ITPK1: variants seen among roughly 807,000 people sequenced by gnomAD.
ITPK1 encodes the protein inositol 1,3,4-trisphosphate 5/6-kinase.
A neutral mutation model predicts 45.3 loss-of-function variants in ITPK1; 21 were observed. The observed-to-expected ratio is 0.46, with a 90% confidence interval of 0.33 to 0.67. ITPK1 has a LOEUF of 0.67. ITPK1 is among the 30% of genes least tolerant of loss of function. The probability of loss-of-function intolerance (pLI) is 0.02; values close to 1 mark genes in which losing one functional copy is unlikely to be tolerated. For synonymous variants in ITPK1, 258 were observed against 253.6 expected, an observed-to-expected ratio of 1.02 and a Z score of -0.16; for missense variants, 474 against 573.5, an observed-to-expected ratio of 0.83 and a Z score of 1.77.
chr14:93,080,252 T>C (rs1891383976), intron 2 of ITPK1, among the ~76,000 whole-genome samples: 1 of 152,162 alleles, frequency 6.6e-6, no homozygotes, highest in Non-Finnish European at 1.5e-5. Flanking sequence ...AGGAAAACAA[T>C]CATGGCAGGG....
At chr14:92,960,366 G>A (rs1203215339) in intron 7 of ITPK1, among the ~76,000 whole-genome samples, 2 of 152,170 alleles carry the variant, frequency 1.3e-5, no homozygotes, top group Admixed American at 6.5e-5. Flanking sequence ...AGCAAGTACC[G>A]GGCAAGTACC....
intron 2 of ITPK1, among the ~76,000 whole-genome samples, chr14:93,087,769 G>C (rs1334983360): frequency 6.6e-6 from 1 of 152,212 alleles, no homozygotes; most frequent in Non-Finnish European, 1.5e-5. Context: ...GGAGTTTGTA[G>C]GGGCCTTCAA....
chr14:92,993,782 A>G, intron 5 of ITPK1, 98 bp downstream of exon 5: 1 of 756,806 alleles, frequency 1.3e-6, no homozygotes, highest in Non-Finnish European at 2.4e-6. Context: ...AGTGCTTAAA[A>G]AGACAAGACC....
At chr14:93,057,083 G>A (rs1239297514) in intron 3 of ITPK1, among the ~76,000 whole-genome samples, 3 of 152,140 alleles carry the variant, frequency 2.0e-5, no homozygotes, top group East Asian at 1.9e-4. Flanking sequence ...AATGCCACCC[G>A]GGAGACCATA....
Position 92,941,882 on chromosome 14 carries a change from G to C in ITPK1, c.924C>G (p.Phe308Leu). Residue 308 changes from phenylalanine (F) to leucine (L), a missense_variant, in exon 11 of 11, where the codon TTC (phenylalanine) becomes TTG (leucine). By Grantham distance (22) the Phe-to-Leu change is conservative. This residue lies in a region of ITPK1 where 367 missense variants were observed against 480.6 expected (regional missense o/e 0.76). Transcript: ENST00000267615. ...CGATGTGGTTCAGGAGGTCTGTGAA[G>C]AACTCGCTCACGCCCTCGTAGCCTG... The part of the protein sequence containing the change: ...AFPGYEGVSE[F>L]FTDLLNHIAT... 6.2e-7 allele frequency: 1 copy of C among 1,612,480 alleles called. No homozygotes were observed. Among genetic ancestry groups the C allele is most frequent in the South Asian group, 1.1e-5 (1 of 90,948 alleles).
rs923869730 is a variant in ITPK1, at chr14:93,032,336, C to T, written c.121-15535G>A. On this transcript the variant is annotated intron_variant, in intron 3 of 10. Transcript: ENST00000267615. The surrounding 1 kb of genome is among the most constrained non-coding windows in gnomAD (Gnocchi z 4.0). ...CTGCACTCCAGGCTGGGCGACAGAG[C>T]GAGACTCCATCTCAAATAATAATAA... Among the ~76,000 whole-genome samples the T allele has an allele frequency of 4.9e-5, 7 of 144,276 alleles. No homozygotes were observed. In the East Asian group the frequency reaches 8.0e-4, roughly 16 times the overall value. 94.7% of individuals were successfully genotyped at this position (144,276 alleles called of 152,430 possible). A position where few individuals can be genotyped will look rare whatever the true frequency, so the allele number is the denominator to read the frequency against.
At chr14:93,026,124 A>T (rs1254251741) in intron 3 of ITPK1, among the ~76,000 whole-genome samples, 1 of 152,198 alleles carries the variant, frequency 6.6e-6, no homozygotes, top group Non-Finnish European at 1.5e-5. Context: ...AAAAAGAAAA[A>T]AAGAATAGGA....
rs1466143046 is a variant in ITPK1 at position 93,034,318 on chromosome 14, T to C, written c.121-17517A>G. Among the ~76,000 whole-genome samples the C allele has an allele frequency of 7.5e-6, 1 of 134,190 alleles. No individual in the cohort carries two copies. The highest frequency in any genetic ancestry group is 1.5e-5 in the Non-Finnish European group (1 of 64,820). 88.0% of individuals were successfully genotyped at this position (134,190 alleles called of 152,430 possible). On this transcript the variant is annotated intron_variant, in intron 3 of 10. Transcript: ENST00000267615. This position sits in a 1 kb window ranked among gnomAD's most constrained non-coding sequence, Gnocchi z 4.1. ...GGAAGATGCTCTGGAAAACCTACCC[T>C]GACCAGAGGCAAAGTGACTGGGCTC...
chr14:93,006,570 A>G (rs1887626793), intron 4 of ITPK1, among the ~76,000 whole-genome samples: 1 of 152,196 alleles, frequency 6.6e-6, no homozygotes, highest in Non-Finnish European at 1.5e-5. Context: ...GCTACCCACA[A>G]TGGTCACTTC....
chr14:92,938,226 G>C lies in ITPK1; in HGVS notation c.*3335C>G. On this transcript the variant is annotated 3_prime_UTR_variant, in exon 11 of 11. Coordinates refer to ENST00000267615, the MANE Select transcript of ITPK1 (RefSeq NM_014216.6). ...ACCTGCCTCAGCCTCCCTAAGTGCTGGGATGACAGGCGTGAGCCGCCATGC... is the reference window on the plus strand; with the variant it reads ...ACCTGCCTCAGCCTCCCTAAGTGCTCGGATGACAGGCGTGAGCCGCCATGC... 1.7e-6 allele frequency: 1 copy of C among 574,500 alleles called. No individual in the cohort carries two copies. Among genetic ancestry groups the C allele is most frequent in the South Asian group, 2.2e-5 (1 of 46,172 alleles). The allele number at this position is 574,500 out of a possible 1,614,324, so 35.6% of individuals were successfully genotyped here. A position where few individuals can be genotyped will look rare whatever the true frequency, so the allele number is the denominator to read the frequency against.
intron 10 of ITPK1, among the ~76,000 whole-genome samples, chr14:92,945,111 C>G (rs1887620834): frequency 6.6e-6 from 1 of 152,242 alleles, no homozygotes; most frequent in African/African-American, 2.4e-5. Flanking sequence ...TCCGCCTCCT[C>G]CAGACAGGGG....
intron 2 of ITPK1, among the ~76,000 whole-genome samples, chr14:93,108,682 C>T (rs1450353908): frequency 6.6e-6 from 1 of 152,238 alleles, no homozygotes; most frequent in Non-Finnish European, 1.5e-5. Flanking sequence ...GTCATTGGGA[C>T]TGACATATTG....
intron 5 of ITPK1, among the ~76,000 whole-genome samples, chr14:92,974,235 C>T (rs11845437): frequency 0.021 from 3,267 of 152,250 alleles, 115 homozygotes; most frequent in African/African-American, 0.075. Context: ...GGGATTTGGG[C>T]GCTTCCGAAA....
intron 5 of ITPK1, among the ~76,000 whole-genome samples, chr14:92,978,917 C>T: frequency 6.6e-6 from 1 of 152,164 alleles, no homozygotes; most frequent in East Asian, 1.9e-4. Flanking sequence ...AGAAGAGAGC[C>T]ACCATCCTCC....
At chr14:93,021,737 A>G (rs1417366997) in intron 3 of ITPK1, among the ~76,000 whole-genome samples, 1 of 152,114 alleles carries the variant, frequency 6.6e-6, no homozygotes, top group Non-Finnish European at 1.5e-5. Context: ...AACAACTCTC[A>G]TTCTCAAAGG....
intron 5 of ITPK1, among the ~76,000 whole-genome samples, chr14:92,990,002 G>T (rs1886700286): frequency 1.3e-5 from 2 of 152,206 alleles, no homozygotes; most frequent in African/African-American, 4.8e-5. Flanking sequence ...TCTGCCATGG[G>T]AAAGTTGGGT....
chr14:92,993,876 C>G lies in ITPK1; in HGVS notation c.364+4G>C. ...CACGGATGTGGTGCCACACGTGTCC[C>G]TACCTTCCATGTAGGCCTCAATCTT... On this transcript the variant is annotated splice_donor_region_variant and intron_variant, in intron 5 of 10. Coordinates refer to ENST00000267615, the MANE Select transcript of ITPK1 (RefSeq NM_014216.6). 6.3e-7 allele frequency: 1 copy of G among 1,587,476 alleles called. No individual in the cohort carries two copies. Among genetic ancestry groups the G allele is most frequent in the Non-Finnish European group, 8.7e-7 (1 of 1,155,716 alleles).
chr14:93,106,333 G>A (rs1315386455), intron 2 of ITPK1, among the ~76,000 whole-genome samples: 39 of 152,140 alleles, frequency 2.6e-4, no homozygotes, highest in Non-Finnish European at 1.5e-5. Flanking sequence ...CAGGAAACAA[G>A]GCTCTAGAAG....
In ITPK1 at chr14:92,941,044, A is replaced by C; in HGVS notation, c.*517T>G. The C allele has an allele frequency of 2.4e-6, 3 of 1,229,204 alleles. No individual in the cohort carries two copies. The highest frequency in any genetic ancestry group is 3.1e-6 in the Non-Finnish European group (3 of 960,386). The allele number at this position is 1,229,204 out of a possible 1,614,324, so 76.1% of individuals were successfully genotyped here. A position where few individuals can be genotyped will look rare whatever the true frequency, so the allele number is the denominator to read the frequency against. ...CTGCACACCAGGCAGGGTGGGGGCT[A>C]ACAAAGCCTTGGTGGAGACCAGTAG... On this transcript the variant is annotated 3_prime_UTR_variant, in exon 11 of 11. Coordinates refer to ENST00000267615, the MANE Select transcript of ITPK1 (RefSeq NM_014216.6).
Sources: gnomAD v4.1 joint callset for allele counts (sites outside exome capture counted in the v4.1 genomes callset) on GRCh38, gnomAD v4.1.1 for gene constraint, gnomAD v4.1.1 regional missense constraint, Gnocchi (gnomAD v3.1) non-coding constraint, MANE v1.5 for transcripts, NCBI Gene and HGNC (gene_info 2026-07-23, HGNC 2026-07-21) for gene names.